The following FAM50B variants were observed in gnomAD, a reference collection of about 807,000 sequenced individuals.
FAM50B encodes protein FAM50B.
In FAM50B, 9 loss-of-function variants were observed where a neutral mutation model predicts 25.4. That is an observed-to-expected ratio of 0.35 (90% CI 0.21 to 0.62). The LOEUF (loss-of-function observed/expected upper bound fraction) is 0.62, where lower values mean the gene tolerates loss of function less well. Among genes scored for constraint, FAM50B ranks in the 20% least tolerant of loss-of-function variants. FAM50B has a pLI of 0.73. For synonymous variants in FAM50B, 212 were observed against 204.3 expected (o/e 1.04, Z -0.32); for missense variants, 372 against 477.9 (o/e 0.78, Z 2.07).
the FAM50B span, among the ~76,000 whole-genome samples, chr6:3,835,621 C>T: frequency 6.6e-6 from 1 of 152,174 alleles, no homozygotes. Context: ...GCTTTGGGCT[C>T]CCTTGTTTCA....
At chr6:3,834,297 CTG>C in the FAM50B span, among the ~76,000 whole-genome samples, 1 of 145,096 alleles carries the variant, frequency 6.9e-6, no homozygotes, top group Non-Finnish European at 1.5e-5. Flanking sequence ...AAAGCAAAGA[CTG>C]TCAGCTTTGG....
At chr6:3,833,379 T>G in the FAM50B span, among the ~76,000 whole-genome samples, 2 of 152,202 alleles carry the variant, frequency 1.3e-5, no homozygotes, top group African/African-American at 2.4e-5. Context: ...AAGATAAATG[T>G]GTTAGCAGCT....
the FAM50B span, among the ~76,000 whole-genome samples, chr6:3,839,916 C>T: frequency 5.3e-5 from 8 of 152,236 alleles, no homozygotes; most frequent in Admixed American, 1.3e-4. Context: ...GAGGCCGAGG[C>T]GGGTGGATCA....
upstream of FAM50B, among the ~76,000 whole-genome samples, chr6:3,847,652 G>A (rs531141155): frequency 1.3e-4 from 20 of 152,218 alleles, no homozygotes; most frequent in Non-Finnish European, 2.2e-4. Context: ...CCAGGAAAGC[G>A]CTTTCAGTTT....
chr6:3,839,214 C>T, the FAM50B span, among the ~76,000 whole-genome samples: 1 of 151,776 alleles, frequency 6.6e-6, no homozygotes, highest in Non-Finnish European at 1.5e-5. Flanking sequence ...GCAGAGGTCA[C>T]ATGGTGAGGG....
At chr6:3,835,068 C>A in the FAM50B span, among the ~76,000 whole-genome samples, 1 of 152,084 alleles carries the variant, frequency 6.6e-6, no homozygotes, top group South Asian at 2.1e-4. Context: ...TCTGTGGCCC[C>A]CTTGATGGTA....
At chr6:3,843,491 C>T in the FAM50B span, among the ~76,000 whole-genome samples, 1 of 152,168 alleles carries the variant, frequency 6.6e-6, no homozygotes, top group Non-Finnish European at 1.5e-5. Context: ...AGCTCAGAGA[C>T]ATTTATGGTG....
chr6:3,842,921 A>G, the FAM50B span, among the ~76,000 whole-genome samples: 1 of 152,220 alleles, frequency 6.6e-6, no homozygotes, highest in Non-Finnish European at 1.5e-5. Context: ...TTACACACAT[A>G]GAGATTTCTA....
rs1449614772 is a variant in FAM50B, at chr6:3,850,666, C to G, written c.855C>G (p.Asp285Glu). 2 of 1,614,120 alleles carry G rather than the reference C, an allele frequency of 1.2e-6. No individual in the cohort carries two copies. Among genetic ancestry groups the G allele is most frequent in the South Asian group, 1.1e-5 (1 of 91,074 alleles). Residue 285 changes from aspartate (D) to glutamate (E), a missense_variant, in exon 2 of 2, where the codon GAC (aspartate) becomes GAG (glutamate). By Grantham distance (45) the Asp-to-Glu change is conservative (BLOSUM62 2). Coordinates refer to ENST00000648326, the MANE Select transcript of FAM50B (RefSeq NM_012135.3). ...TCAGCGACGCCACCATGGAGAAGGA[C>G]GAGTCGCACGCGGGCAAGGTGGTGC... is the stretch of plus-strand genomic sequence containing the variant. The part of the protein sequence containing the change: ...RLLSDATMEK[D>E]ESHAGKVVLR...
At position 3,850,765 on chromosome 6, in the gene FAM50B, G is replaced by A. The variant is rs1176981381; in HGVS notation, c.954G>A (p.Lys318=). 2 of 1,613,914 alleles carry A rather than the reference G, an allele frequency of 1.2e-6. No homozygotes were observed. Among genetic ancestry groups the A allele is most frequent in the East Asian group, 2.2e-5 (1 of 44,862 alleles). ...SRWEAYDPEK[K]WDKYTIR ...GGGAGGCCTATGACCCCGAGAAGAA[G>A]TGGGACAAGTACACCATCCGCTAAC... is the stretch of plus-strand genomic sequence containing the variant. The change falls in exon 2 of 2, where the codon AAG becomes AAA. Residue 318 remains lysine, a synonymous_variant. Coordinates refer to ENST00000648326, the MANE Select transcript of FAM50B (RefSeq NM_012135.3).
upstream of FAM50B, among the ~76,000 whole-genome samples, chr6:3,848,498 T>C (rs1194446705): frequency 1.3e-5 from 2 of 152,190 alleles, no homozygotes; most frequent in Non-Finnish European, 2.9e-5. Context: ...CATATGTAAT[T>C]ATCATATGAT....
the FAM50B span, among the ~76,000 whole-genome samples, chr6:3,835,956 T>C: frequency 6.6e-6 from 1 of 152,186 alleles, no homozygotes; most frequent in African/African-American, 2.4e-5. Context: ...ACACCTTCAC[T>C]CAAAATAGAG....
the FAM50B span, among the ~76,000 whole-genome samples, chr6:3,840,923 AGT>A: frequency 6.6e-6 from 1 of 152,376 alleles, no homozygotes; most frequent in East Asian, 1.9e-4. Flanking sequence ...CCTAGCTCAA[AGT>A]GTAACTAGGG....
Position 3,850,018 on chromosome 6 carries a change from C to T in FAM50B, c.207C>T (p.Thr69=), listed in dbSNP as rs766426175. 140 of 1,613,512 alleles carry T rather than the reference C, an allele frequency of 8.7e-5. No individual in the cohort carries two copies. Among genetic ancestry groups the T allele is most frequent in the Admixed American group, 1.8e-4 (11 of 59,976 alleles). Residue 69 remains threonine (T), a synonymous_variant, in exon 2 of 2, where the codon ACC becomes ACT. Transcript: ENST00000648326. ...AGTCCAGCACGGTGGGCCTGGTGACCCTGAACGACATGAAGGCCCGGCAGG... is the reference window on the plus strand; with the variant it reads ...AGTCCAGCACGGTGGGCCTGGTGACTCTGAACGACATGAAGGCCCGGCAGG... The part of the protein sequence containing the change: ...ELKSSTVGLV[T]LNDMKARQEA...
the FAM50B span, among the ~76,000 whole-genome samples, chr6:3,840,138 G>A: frequency 1.4e-4 from 22 of 152,148 alleles, no homozygotes; most frequent in African/African-American, 4.8e-4. Flanking sequence ...GACTACAGGC[G>A]CACACCACCA....
At chr6:3,848,633 G>A (rs757741284), upstream of FAM50B, among the ~76,000 whole-genome samples, 1 of 152,096 alleles carries the variant, frequency 6.6e-6, no homozygotes, top group African/African-American at 2.4e-5. Flanking sequence ...TGGTTTCGGC[G>A]AGTGTTACCA....
the FAM50B span, among the ~76,000 whole-genome samples, chr6:3,840,209 G>A: frequency 3.0e-3 from 452 of 152,144 alleles, 1 homozygote; most frequent in African/African-American, 1.0e-2. Context: ...TAGCCAGGAT[G>A]GTCTCGATCT....
rs141980183 is a variant in FAM50B, at chr6:3,851,292, C to G, written c.*503C>G. The G allele has an allele frequency of 9.2e-4, 160 of 173,956 alleles. 2 individuals are homozygous for G. Among genetic ancestry groups the G allele is most frequent in the African/African-American group, 3.6e-3 (151 of 41,580 alleles). The allele number at this position is 173,956 out of a possible 1,614,324, so 10.8% of individuals were successfully genotyped here. On this transcript the variant is annotated 3_prime_UTR_variant, in exon 2 of 2. Transcript: ENST00000648326. ...ATTAATATTTGTAAAACGCTTAGCT[C>G]TTAATAAATGTTTCTGTTGTTATTA...
rs763956101 is a variant in FAM50B at position 3,850,678 on chromosome 6, G to A, written c.867G>A (p.Ala289=). 3 of 1,613,990 alleles carry A rather than the reference G, an allele frequency of 1.9e-6. No individual in the cohort carries two copies. Among genetic ancestry groups the A allele is most frequent in the East Asian group, 2.2e-5 (1 of 44,880 alleles). ...DATMEKDESH[A]GKVVLRSWYE... ...CCATGGAGAAGGACGAGTCGCACGC[G>A]GGCAAGGTGGTGCTGCGCAGCTGGT... is the stretch of plus-strand genomic sequence containing the variant. Residue 289 remains alanine, a synonymous_variant, in exon 2 of 2, where the codon GCG becomes GCA. Transcript: ENST00000648326.
Sources: gnomAD v4.1 joint callset for allele counts (sites outside exome capture counted in the v4.1 genomes callset) on GRCh38, gnomAD v4.1.1 for gene constraint, MANE v1.5 for transcripts, NCBI Gene and HGNC (gene_info 2026-07-23, HGNC 2026-07-21) for gene names.